The following KIAA1217 variants were observed in gnomAD, a reference collection of about 807,000 sequenced individuals.
KIAA1217 encodes sickle tail protein homolog.
In KIAA1217, 88 loss-of-function variants were observed where a neutral mutation model predicts 163.9. That is an observed-to-expected ratio of 0.54 (90% CI 0.45 to 0.64). The LOEUF (loss-of-function observed/expected upper bound fraction) is 0.64. KIAA1217 is among the 30% of genes least tolerant of loss of function. The pLI, the probability that KIAA1217 is intolerant of heterozygous loss-of-function variation, is 0.00. For synonymous variants in KIAA1217, 903 were observed against 923.1 expected (o/e 0.98, Z 0.39); for missense variants, 2,372 against 2,475.0 (o/e 0.96, Z 0.88).
At chr10:24,304,398 T>C (rs7070108) in intron 2 of KIAA1217, among the ~76,000 whole-genome samples, 17,194 of 152,072 alleles carry the variant, frequency 0.11, 1,484 homozygotes, top group East Asian at 0.31. Flanking sequence ...CTCATTATTA[T>C]CCAGGCTGGA....
rs564647376 is a variant in KIAA1217, at chr10:24,099,327, C to T, written c.-171+91953C>T. ...TTAGTTATTTCTCCTAATGCTATCC[C>T]TCCCCCATTCCCCTACCCCACGGCA... On this transcript the variant is annotated intron_variant, in intron 2 of 18. Coordinates refer to the KIAA1217 transcript ENST00000376462. 1.3e-4 allele frequency among the ~76,000 whole-genome samples: 20 copies of T among 150,704 alleles called. No homozygotes were observed. In the South Asian group the frequency reaches 4.2e-3, roughly 32 times the overall value.
intron 1 of KIAA1217, among the ~76,000 whole-genome samples, chr10:23,895,491 C>T (rs1012170804): frequency 2.0e-5 from 3 of 152,070 alleles, no homozygotes; most frequent in African/African-American, 7.2e-5. Flanking sequence ...AGTCAGGAAA[C>T]AACAGGTACT....
At chr10:23,986,478 T>C (rs767580339) in intron 1 of KIAA1217, among the ~76,000 whole-genome samples, 8 of 152,234 alleles carry the variant, frequency 5.3e-5, no homozygotes, top group Non-Finnish European at 1.0e-4. Flanking sequence ...AAATTATCTC[T>C]AGATTACTTA....
intron 3 of KIAA1217, among the ~76,000 whole-genome samples, chr10:24,419,007 T>C (rs1339426633): frequency 1.3e-5 from 2 of 151,858 alleles, no homozygotes; most frequent in Non-Finnish European, 1.5e-5. Context: ...TGAAACCCTG[T>C]CTCTACTAAA....
intron 1 of KIAA1217, among the ~76,000 whole-genome samples, chr10:23,946,798 C>A (rs1036725715): frequency 6.6e-6 from 1 of 152,040 alleles, no homozygotes; most frequent in South Asian, 2.1e-4. Context: ...TTTGGAGAGA[C>A]CATTTTTATT....
At chr10:24,100,818 G>A (rs2062383969) in intron 2 of KIAA1217, among the ~76,000 whole-genome samples, 1 of 151,954 alleles carries the variant, frequency 6.6e-6, no homozygotes, top group South Asian at 2.1e-4. Flanking sequence ...TTTCATGTCA[G>A]CTTTAGAGAA....
At chr10:24,153,729 A>C (rs956868930) in intron 2 of KIAA1217, among the ~76,000 whole-genome samples, 4 of 152,218 alleles carry the variant, frequency 2.6e-5, no homozygotes, top group African/African-American at 9.7e-5. Context: ...CTTTGGAAGC[A>C]GTTAACCCAT....
At chr10:23,734,777 T>C (rs375786499) in intron 1 of KIAA1217, among the ~76,000 whole-genome samples, 1 of 152,170 alleles carries the variant, frequency 6.6e-6, no homozygotes, top group Non-Finnish European at 1.5e-5. Flanking sequence ...TTTATCATGA[T>C]AAATTTTCTG....
At chr10:24,005,558 A>G (rs568355458) in intron 1 of KIAA1217, among the ~76,000 whole-genome samples, 1 of 152,266 alleles carries the variant, frequency 6.6e-6, no homozygotes, top group Non-Finnish European at 1.5e-5. Context: ...TGAGTCTGCT[A>G]CTCACCAGGA....
chr10:24,175,091 A>C (rs1286670627), intron 2 of KIAA1217, among the ~76,000 whole-genome samples: 1 of 151,774 alleles, frequency 6.6e-6, no homozygotes, highest in Non-Finnish European at 1.5e-5. Context: ...CAAACTCCTG[A>C]CCTCAGGTGA....
intron 2 of KIAA1217, among the ~76,000 whole-genome samples, chr10:24,070,243 G>A (rs976948526): frequency 6.6e-6 from 1 of 151,644 alleles, no homozygotes; most frequent in African/African-American, 2.4e-5. Context: ...AACCAAGAAA[G>A]AGGCATTATT....
chr10:24,545,341 T>C (rs2075614995), intron 20 of KIAA1217: 6 of 1,394,250 alleles, frequency 4.3e-6, no homozygotes, highest in Non-Finnish European at 5.6e-6. Context: ...TTTTAACTGT[T>C]AACACACGGT....
chr10:24,112,011 G>A lies in KIAA1217; in HGVS notation c.-171+104637G>A, dbSNP rs369394786. On this transcript the variant is annotated intron_variant, in intron 2 of 18. Transcript: ENST00000376462. Reference sequence around the variant, plus strand: ...AGACAGGGTCTCACTATGTTGCCCGGGCTGGTTTTAGACTCCTGGGCTCAC... The same window carrying A: ...AGACAGGGTCTCACTATGTTGCCCGAGCTGGTTTTAGACTCCTGGGCTCAC... 2.0e-5 allele frequency among the ~76,000 whole-genome samples: 3 copies of A among 152,128 alleles called. No individual in the cohort carries two copies. The South Asian group carries it at 6.2e-4, about 32-fold the overall frequency.
chr10:24,438,293 A>T lies in KIAA1217; in HGVS notation c.753-93A>T, dbSNP rs1000045563. ...TAGATAGCCTTTGGATTGTCTGTTCATGTTTTTTACCTGATCTTTAAGGGC... is the reference window on the plus strand; with the variant it reads ...TAGATAGCCTTTGGATTGTCTGTTCTTGTTTTTTACCTGATCTTTAAGGGC... On this transcript the variant is annotated intron_variant, in intron 4 of 20. Coordinates refer to ENST00000376454, the MANE Select transcript of KIAA1217 (RefSeq NM_019590.5). 7.2e-6 allele frequency: 6 copies of T among 828,138 alleles called. No individual in the cohort carries two copies. In the African/African-American group the frequency reaches 1.0e-4, roughly 14 times the overall value. 51.3% of individuals were successfully genotyped at this position (828,138 alleles called of 1,614,324 possible). A position where few individuals can be genotyped will look rare whatever the true frequency, so the allele number is the denominator to read the frequency against.
intron 9 of KIAA1217, among the ~76,000 whole-genome samples, chr10:24,512,864 C>G (rs1416768445): frequency 6.6e-6 from 1 of 152,172 alleles, no homozygotes; most frequent in African/African-American, 2.4e-5. Context: ...CCAAGGGAGT[C>G]TAAATAATGG....
At position 24,421,878 on chromosome 10, in the gene KIAA1217, T is replaced by A. The variant is rs375546444; in HGVS notation, c.554-11117T>A. 1.4e-3 allele frequency among the ~76,000 whole-genome samples: 213 copies of A among 152,310 alleles called. 1 individual carries two copies. The highest frequency in any genetic ancestry group is 1.2e-3 in the Non-Finnish European group (82 of 68,018). On this transcript the variant is annotated intron_variant, in intron 3 of 20. Coordinates refer to ENST00000376454, the MANE Select transcript of KIAA1217 (RefSeq NM_019590.5). Reference sequence around the variant, plus strand: ...CTGTATTTGCTTTACTAATATTTTATTTAGGGCTTTGGATTTGAATGTAAA... The same window carrying A: ...CTGTATTTGCTTTACTAATATTTTAATTAGGGCTTTGGATTTGAATGTAAA...
chr10:24,102,695 A>C (rs2062463003), intron 2 of KIAA1217, among the ~76,000 whole-genome samples: 1 of 152,240 alleles, frequency 6.6e-6, no homozygotes, highest in Non-Finnish European at 1.5e-5. Flanking sequence ...GAATAGATAA[A>C]TAGTTCAGCC....
chr10:24,514,917 G>A (rs779756127), intron 10 of KIAA1217, among the ~76,000 whole-genome samples: 3 of 151,966 alleles, frequency 2.0e-5, no homozygotes, highest in African/African-American at 2.4e-5. Flanking sequence ...GCTTGAACCC[G>A]GGAGGGGAAG....
At chr10:23,979,428 G>A (rs1444988942) in intron 1 of KIAA1217, among the ~76,000 whole-genome samples, 4 of 152,136 alleles carry the variant, frequency 2.6e-5, no homozygotes, top group African/African-American at 7.2e-5. Flanking sequence ...ACAAACAACC[G>A]CATTTTTCGT....
Sources: gnomAD v4.1 joint callset for allele counts (sites outside exome capture counted in the v4.1 genomes callset) on GRCh38, gnomAD v4.1.1 for gene constraint, MANE v1.5 for transcripts, NCBI Gene and HGNC (gene_info 2026-07-23, HGNC 2026-07-21) for gene names.